VTA1: variants seen among roughly 807,000 people sequenced by gnomAD.
The protein encoded by VTA1 is vesicle trafficking 1.
A neutral mutation model predicts 36.9 loss-of-function variants in VTA1; 24 were observed. The observed-to-expected ratio is 0.65, with a 90% confidence interval of 0.47 to 0.91. The LOEUF (loss-of-function observed/expected upper bound fraction) is 0.91, where lower values mean the gene tolerates loss of function less well. Among genes scored for constraint, VTA1 ranks in the 40% least tolerant of loss-of-function variants. The pLI is 0.00. For synonymous variants in VTA1, 142 were observed against 130.2 expected, an observed-to-expected ratio of 1.09 and a Z score of -0.62; for missense variants, 393 against 377.2, an observed-to-expected ratio of 1.04 and a Z score of -0.35.
chr6:142,213,782 C>G (rs1337914537), intron 7 of VTA1, among the ~76,000 whole-genome samples: 1 of 152,184 alleles, frequency 6.6e-6, no homozygotes, highest in Non-Finnish European at 1.5e-5. Flanking sequence ...AGCTGGGGTG[C>G]CATGTCCCAA....
chr6:142,161,334 A>G (rs1774805332), intron 1 of VTA1, among the ~76,000 whole-genome samples: 1 of 152,104 alleles, frequency 6.6e-6, no homozygotes, highest in Non-Finnish European at 1.5e-5. Flanking sequence ...TTAACCTATC[A>G]AAGCCTCACT....
intron 4 of VTA1, among the ~76,000 whole-genome samples, chr6:142,185,368 G>T (rs1037487201): frequency 1.2e-4 from 18 of 151,996 alleles, no homozygotes; most frequent in Non-Finnish European, 1.5e-5. Flanking sequence ...GAGCCTAAAA[G>T]TATGTTGAGG....
At chr6:142,158,038 A>C (rs1175962148) in intron 1 of VTA1, among the ~76,000 whole-genome samples, 8 of 150,154 alleles carry the variant, frequency 5.3e-5, no homozygotes, top group Admixed American at 4.6e-4. Flanking sequence ...AAGTTAAAAA[A>C]AAAAAAGCCT....
chr6:142,212,509 G>C (rs985098783), intron 7 of VTA1, among the ~76,000 whole-genome samples: 3 of 152,100 alleles, frequency 2.0e-5, no homozygotes, highest in Non-Finnish European at 2.9e-5. Flanking sequence ...CAAGAGTTAG[G>C]GGGAGAGGGA....
intron 2 of VTA1, among the ~76,000 whole-genome samples, chr6:142,169,068 C>T (rs937334725): frequency 5.3e-5 from 8 of 151,934 alleles, no homozygotes; most frequent in East Asian, 1.9e-4. Context: ...TGTGCCCGGC[C>T]GAGAGATATT....
At position 142,147,355 on chromosome 6, in the gene VTA1, C is replaced by T; in HGVS notation, c.68C>T (p.Thr23Met). 1 of 1,614,186 alleles carries T rather than the reference C, an allele frequency of 6.2e-7. No homozygotes were observed. The highest frequency in any genetic ancestry group is 8.5e-7 in the Non-Finnish European group (1 of 1,180,030). ...QFKSIQHHLRTAQEHDKRDPV... is the reference protein window; with the variant it reads ...QFKSIQHHLRMAQEHDKRDPV... ...AAGAGCATACAGCATCATCTGAGGA[C>T]GGCTCAGGAGCATGACAAGCGAGAC... The change falls in exon 1 of 8, where the codon ACG (threonine) becomes ATG (methionine). Residue 23 changes from threonine (T) to methionine (M), a missense_variant. Coordinates refer to ENST00000367630, the MANE Select transcript of VTA1 (RefSeq NM_016485.5).
At position 142,210,098 on chromosome 6, in the gene VTA1, C is replaced by G. The variant is rs369450824; in HGVS notation, c.778+6033C>G. Among the ~76,000 whole-genome samples the G allele has an allele frequency of 3.9e-5, 6 of 152,210 alleles. No individual in the cohort carries two copies. In the East Asian group the frequency reaches 7.7e-4, roughly 20 times the overall value. ...GGACCAGTGGAACAGAATAGAGAATCCTGATATACATTTATGCATTTACAA... is the reference window on the plus strand; with the variant it reads ...GGACCAGTGGAACAGAATAGAGAATGCTGATATACATTTATGCATTTACAA... On this transcript the variant is annotated intron_variant, in intron 7 of 7. Transcript: ENST00000367630.
rs144852776 is a variant in VTA1, at chr6:142,185,511, A to G, written c.412-3915A>G. Among the ~76,000 whole-genome samples, 134 of 152,330 alleles carry G rather than the reference A, an allele frequency of 8.8e-4. 1 individual carries two copies. In the East Asian group the frequency reaches 0.023, roughly 26 times the overall value. ...ACATTTTAAAAGAATGTCATTTTGC[A>G]GATACTGAATTCAAGTGAACATAGA... On this transcript the variant is annotated intron_variant, in intron 4 of 7. Coordinates refer to ENST00000367630, the MANE Select transcript of VTA1 (RefSeq NM_016485.5).
chr6:142,220,935 T>C lies in VTA1; in HGVS notation c.*2292T>C, dbSNP rs1294747371. 1 of 152,034 alleles carries C rather than the reference T, an allele frequency of 6.6e-6. No individual in the cohort carries two copies. Among genetic ancestry groups the C allele is most frequent in the East Asian group, 1.9e-4 (1 of 5,172 alleles). 9.4% of individuals were successfully genotyped at this position (152,034 alleles called of 1,614,324 possible). On this transcript the variant is annotated 3_prime_UTR_variant, in exon 8 of 8. Coordinates refer to ENST00000367630, the MANE Select transcript of VTA1 (RefSeq NM_016485.5). ...AAGGGAGGAAATAGATAATAAAATATACATTACATTTAATCAGTGGCTCTC... is the reference window on the plus strand; with the variant it reads ...AAGGGAGGAAATAGATAATAAAATACACATTACATTTAATCAGTGGCTCTC...
intron 1 of VTA1, among the ~76,000 whole-genome samples, chr6:142,165,643 C>A (rs1774897628): frequency 1.3e-5 from 2 of 152,056 alleles, no homozygotes; most frequent in African/African-American, 2.4e-5. Context: ...CAGCAGTTAC[C>A]ACTAGAACTG....
chr6:142,206,220 T>G (rs1775788127), intron 7 of VTA1, among the ~76,000 whole-genome samples: 1 of 152,194 alleles, frequency 6.6e-6, no homozygotes, highest in Non-Finnish European at 1.5e-5. Flanking sequence ...TGGATTGCAG[T>G]ATACATGATT....
chr6:142,208,691 G>A (rs556220811), intron 7 of VTA1, among the ~76,000 whole-genome samples: 1 of 152,218 alleles, frequency 6.6e-6, no homozygotes, highest in African/African-American at 2.4e-5. Flanking sequence ...CAAGAGATAA[G>A]AAGCAAATAG....
At chr6:142,149,514 T>C (rs1389693052) in intron 1 of VTA1, among the ~76,000 whole-genome samples, 1 of 152,238 alleles carries the variant, frequency 6.6e-6, no homozygotes, top group Admixed American at 6.5e-5. Context: ...TCTTTTCATA[T>C]GTTAATTAAC....
At chr6:142,182,751 T>G (rs1775266187) in intron 4 of VTA1, among the ~76,000 whole-genome samples, 2 of 152,168 alleles carry the variant, frequency 1.3e-5, no homozygotes, top group South Asian at 4.1e-4. Context: ...AATATGGAAT[T>G]GGATGTATAC....
intron 6 of VTA1, among the ~76,000 whole-genome samples, chr6:142,199,632 G>A (rs1326852130): frequency 2.6e-5 from 4 of 151,684 alleles, no homozygotes; most frequent in African/African-American, 9.7e-5. Context: ...TTTCTATTTT[G>A]ACCATTGTAA....
chr6:142,189,355 G>A (rs915401958), intron 4 of VTA1, 71 bp from the exon 5 acceptor site: 16 of 1,240,430 alleles, frequency 1.3e-5, no homozygotes, highest in Non-Finnish European at 1.8e-5. Context: ...ATATGATATA[G>A]GTCATCATAA....
At position 142,198,339 on chromosome 6, in the gene VTA1, A is replaced by G. The variant is rs2232305; in HGVS notation, c.521-100A>G. On this transcript the variant is annotated intron_variant, in intron 5 of 7. Transcript: ENST00000367630. ...TCTCCACTGCATTAAATAGAATTGC[A>G]TTTAAAGATTCCATTTGTCATGTGT... 1,379 of 1,123,512 alleles carry G rather than the reference A, an allele frequency of 1.2e-3. 6 individuals carry two copies. The highest frequency in any genetic ancestry group is 1.5e-3 in the Middle Eastern group (6 of 4,070). 69.6% of individuals were successfully genotyped at this position (1,123,512 alleles called of 1,614,324 possible). A position where few individuals can be genotyped will look rare whatever the true frequency, so the allele number is the denominator to read the frequency against.
chr6:142,223,279 A>C lies in VTA1; in HGVS notation c.*4636A>C, dbSNP rs2114697593. 1 of 152,348 alleles carries C rather than the reference A, an allele frequency of 6.6e-6. No individual in the cohort carries two copies. The highest frequency in any genetic ancestry group is 1.9e-4 in the East Asian group (1 of 5,186). The allele number at this position is 152,348 out of a possible 1,614,324, so 9.4% of individuals were successfully genotyped here. A position where few individuals can be genotyped will look rare whatever the true frequency, so the allele number is the denominator to read the frequency against. ...ATGGACTGCAGCAATCCAAGGGGACACTAAGCAGGGTTTGAGTAATGCTAC... is the reference window on the plus strand; with the variant it reads ...ATGGACTGCAGCAATCCAAGGGGACCCTAAGCAGGGTTTGAGTAATGCTAC... On this transcript the variant is annotated 3_prime_UTR_variant, in exon 8 of 8. Coordinates refer to ENST00000367630, the MANE Select transcript of VTA1 (RefSeq NM_016485.5).
At chr6:142,169,208 T>A (rs1031980196) in intron 2 of VTA1, among the ~76,000 whole-genome samples, 6 of 152,192 alleles carry the variant, frequency 3.9e-5, no homozygotes, top group Non-Finnish European at 8.8e-5. Flanking sequence ...TAGGGTAACT[T>A]ATAGTTTGGG....
Sources: allele counts gnomAD v4.1 joint callset (sites outside exome capture counted in the v4.1 genomes callset), GRCh38; gene constraint gnomAD v4.1.1; transcripts MANE v1.5; gene names NCBI Gene and HGNC (gene_info 2026-07-23, HGNC 2026-07-21).